JCAD: variants seen among roughly 807,000 people sequenced by gnomAD.
The protein encoded by JCAD is junctional cadherin 5 associated.
JCAD carries 40 observed loss-of-function variants against 98.0 expected under a neutral mutation model. That is an observed-to-expected ratio of 0.41 (90% confidence interval 0.32 to 0.53). The LOEUF is 0.53. Among genes scored for constraint, JCAD ranks in the 20% least tolerant of loss-of-function variants. The probability of loss-of-function intolerance (pLI) is 0.31; values close to 1 mark genes in which losing one functional copy is unlikely to be tolerated. For missense variants in JCAD, 1,705 were observed against 1,738.1 expected (o/e 0.98, Z 0.34); for synonymous variants, 691 against 682.3 (o/e 1.01, Z -0.20).
upstream of JCAD, among the ~76,000 whole-genome samples, chr10:30,063,989 TAGAGTTGGGTTTTCACC>T (rs1837745252): frequency 6.6e-6 from 1 of 152,080 alleles, no homozygotes; most frequent in Non-Finnish European, 1.5e-5. Context: ...GCATTTTTAG[TAGAGTTGGGTTTTCACC>T]ATGTTGGCCA....
rs182921976 is a variant in JCAD at position 30,081,867 on chromosome 10, T to C, written n.129-12046A>G. ...GTCTGCTGCATAGCAGCTCCTGAAA[T>C]TAGTAGACACTTGTTTGGAAGCTGT... On this transcript the variant is annotated intron_variant and non_coding_transcript_variant, in intron 1 of 2. Coordinates refer to the JCAD transcript ENST00000465712. Among the ~76,000 whole-genome samples the C allele has an allele frequency of 8.2e-4, 125 of 152,334 alleles. 2 individuals are homozygous for C. The highest frequency in any genetic ancestry group is 2.7e-3 in the African/African-American group (114 of 41,586).
chr10:30,085,259 T>G (rs1237178670), intron 1 of JCAD, among the ~76,000 whole-genome samples: 1 of 152,166 alleles, frequency 6.6e-6, no homozygotes, highest in Non-Finnish European at 1.5e-5. Context: ...AAAAGCAGGC[T>G]TACGTAAAAT....
chr10:30,111,542 A>G (rs12243598), intron 1 of JCAD, among the ~76,000 whole-genome samples: 13,001 of 152,260 alleles, frequency 0.085, 689 homozygotes, highest in African/African-American at 0.14. Flanking sequence ...TGAGGCTTTC[A>G]TAGTCCTAGG....
intron 1 of JCAD, among the ~76,000 whole-genome samples, chr10:30,109,337 AAATAGAAAGCAAGCC>A (rs1261301431): frequency 6.6e-6 from 1 of 152,086 alleles, no homozygotes; most frequent in African/African-American, 2.4e-5. Flanking sequence ...TTTTCTTCTC[AAATAGAAAGCAAGCC>A]TTCCCTTTTT....
At chr10:30,070,877 T>G (rs1292149941) in intron 1 of JCAD, among the ~76,000 whole-genome samples, 1 of 152,224 alleles carries the variant, frequency 6.6e-6, no homozygotes, top group African/African-American at 2.4e-5. Context: ...GTTAAAGTAT[T>G]AATACAGTGT....
chr10:30,082,403 A>G (rs565488792), intron 1 of JCAD, among the ~76,000 whole-genome samples: 2 of 152,242 alleles, frequency 1.3e-5, no homozygotes, highest in South Asian at 4.1e-4. Context: ...ACAACACAAA[A>G]CCTAATTGAA....
At chr10:30,078,153 A>G (rs1838011406) in intron 1 of JCAD, among the ~76,000 whole-genome samples, 1 of 152,160 alleles carries the variant, frequency 6.6e-6, no homozygotes, top group Non-Finnish European at 1.5e-5. Context: ...TGCATTCCAT[A>G]CTTTTTCTAA....
chr10:30,032,091 A>G (rs1305978187), intron 2 of JCAD, among the ~76,000 whole-genome samples: 1 of 151,834 alleles, frequency 6.6e-6, no homozygotes, highest in African/African-American at 2.4e-5. Flanking sequence ...GAGGATTCTT[A>G]TCCTCAATTT....
rs142687462 is a variant in JCAD at position 30,048,343 on chromosome 10, T to C, written c.-59-472A>G. Among the ~76,000 whole-genome samples the C allele has an allele frequency of 4.5e-3, 688 of 152,298 alleles. 10 individuals are homozygous for C. In the South Asian group the frequency reaches 0.05, roughly 11 times the overall value. On this transcript the variant is annotated intron_variant, in intron 1 of 3. Transcript: ENST00000375377. ...CGCCCCTGCTTTCATCTTGTAGACA[T>C]ACCTTCTGCTCTAGGAGAGAGTGAG...
At chr10:30,047,279 G>A (rs921462684) in intron 2 of JCAD, among the ~76,000 whole-genome samples, 2 of 152,218 alleles carry the variant, frequency 1.3e-5, no homozygotes, top group Non-Finnish European at 2.9e-5. Flanking sequence ...GGCTGAGGCA[G>A]GAGAATTGCT....
At chr10:30,086,158 T>C (rs1838163674) in intron 1 of JCAD, among the ~76,000 whole-genome samples, 1 of 152,090 alleles carries the variant, frequency 6.6e-6, no homozygotes, top group South Asian at 2.1e-4. Context: ...AAGACAGGAT[T>C]TTCCTAAAAA....
At chr10:30,068,306 T>C (rs1837820557) in intron 2 of JCAD, among the ~76,000 whole-genome samples, 1 of 146,806 alleles carries the variant, frequency 6.8e-6, no homozygotes, top group Admixed American at 7.0e-5. Context: ...CAGGAGAATC[T>C]CTTGAACCCA....
intron 1 of JCAD, among the ~76,000 whole-genome samples, chr10:30,108,272 A>T (rs997305683): frequency 6.6e-6 from 1 of 151,814 alleles, no homozygotes. Flanking sequence ...AGATCATGCC[A>T]TTATGCTCCA....
upstream of JCAD, among the ~76,000 whole-genome samples, chr10:30,060,534 A>G (rs1837680500): frequency 6.6e-6 from 1 of 152,204 alleles, no homozygotes; most frequent in Admixed American, 6.5e-5. Context: ...TTGCTGATGC[A>G]TTGGGGAGAG....
At chr10:30,085,963 C>G (rs889268771) in intron 1 of JCAD, among the ~76,000 whole-genome samples, 4 of 152,052 alleles carry the variant, frequency 2.6e-5, no homozygotes, top group African/African-American at 9.7e-5. Context: ...TGTTAAAATT[C>G]AAAATTACGT....
intron 2 of JCAD, among the ~76,000 whole-genome samples, chr10:30,040,095 C>T (rs1023627457): frequency 6.6e-6 from 1 of 152,130 alleles, no homozygotes; most frequent in African/African-American, 2.4e-5. Context: ...GGGTGAAGAA[C>T]CGAGTGTCTG....
chr10:30,051,284 G>GCACGCACACA (rs1554798253), intron 1 of JCAD, among the ~76,000 whole-genome samples: 3 of 146,764 alleles, frequency 2.0e-5, no homozygotes, highest in African/African-American at 7.4e-5. Flanking sequence ...ACACACGCAC[G>GCACGCACACA]CACACACACA....
At chr10:30,019,406 A>G (rs1836611413) in intron 3 of JCAD, among the ~76,000 whole-genome samples, 1 of 151,942 alleles carries the variant, frequency 6.6e-6, no homozygotes, top group Non-Finnish European at 1.5e-5. Context: ...ATACACACAC[A>G]ATGGGATATT....
At chr10:30,077,712 C>G (rs886658237) in intron 1 of JCAD, among the ~76,000 whole-genome samples, 1 of 152,144 alleles carries the variant, frequency 6.6e-6, no homozygotes, top group Admixed American at 6.5e-5. Context: ...TTTCACCCAG[C>G]GTGTTTTCAA....
Sources: allele counts gnomAD v4.1 joint callset (sites outside exome capture counted in the v4.1 genomes callset), GRCh38; gene constraint gnomAD v4.1.1; transcripts MANE v1.5; gene names NCBI Gene and HGNC (gene_info 2026-07-23, HGNC 2026-07-21).